The following CNTNAP5 variants were observed in gnomAD, a reference collection of about 807,000 sequenced individuals.
CNTNAP5 encodes contactin associated protein family member 5.
Under a neutral mutation model 150.2 loss-of-function variants are expected in CNTNAP5, and 72 were observed. The ratio of observed to expected loss-of-function variants is 0.48; its 90% CI spans 0.40 to 0.58. CNTNAP5 has a LOEUF of 0.58. Ranked by LOEUF, CNTNAP5 falls within the 20% of genes least tolerant of loss-of-function variation. The probability of loss-of-function intolerance (pLI) is 0.00; values close to 1 mark genes in which losing one functional copy is unlikely to be tolerated. For missense variants in CNTNAP5, 1,636 were observed against 1,626.2 expected, an observed-to-expected ratio of 1.01 and a Z score of -0.10; for synonymous variants, 672 against 619.8, an observed-to-expected ratio of 1.08 and a Z score of -1.25.
intron 19 of CNTNAP5, among the ~76,000 whole-genome samples, chr2:124,859,993 G>A (rs958782976): frequency 3.3e-5 from 5 of 151,888 alleles, no homozygotes; most frequent in Non-Finnish European, 7.4e-5. Context: ...CACCAACATG[G>A]CACGTGTATA....
intron 5 of CNTNAP5, among the ~76,000 whole-genome samples, chr2:124,442,849 T>A (rs1692708378): frequency 6.6e-6 from 1 of 152,132 alleles, no homozygotes; most frequent in Non-Finnish European, 1.5e-5. Flanking sequence ...ATAAAAAGAT[T>A]TTCAACCTTA....
intron 16 of CNTNAP5, 73 bp downstream of exon 16, chr2:124,764,220 C>A: frequency 8.7e-7 from 1 of 1,142,992 alleles, no homozygotes; most frequent in Non-Finnish European, 1.3e-6. Context: ...TGCCACCAGT[C>A]ACTAGTGGGC....
chr2:124,567,650 C>T lies in CNTNAP5; in HGVS notation c.1756+4327C>T, dbSNP rs1223318872. On this transcript the variant is annotated intron_variant, in intron 11 of 23. Transcript: ENST00000682447. The stretch of plus-strand genomic sequence containing the variant: ...ACCAATGTTCAATGCCTTCCGACTC[C>T]CAGAGACAGATACCATGGTTATTAG... Among the ~76,000 whole-genome samples, 3 of 152,102 alleles carry T rather than the reference C, an allele frequency of 2.0e-5. No homozygotes were observed. In the East Asian group the frequency reaches 5.8e-4, roughly 29 times the overall value.
chr2:124,187,196 A>G (rs1020076010), intron 1 of CNTNAP5, among the ~76,000 whole-genome samples: 1 of 152,234 alleles, frequency 6.6e-6, no homozygotes, highest in African/African-American at 2.4e-5. Flanking sequence ...AGAGATGGAT[A>G]TGCATTACTA....
intron 8 of CNTNAP5, among the ~76,000 whole-genome samples, chr2:124,505,284 T>G (rs1694377050): frequency 6.6e-6 from 1 of 152,128 alleles, no homozygotes; most frequent in Admixed American, 6.5e-5. Context: ...TCAGAAGTCA[T>G]GGCAATCACT....
intron 13 of CNTNAP5, among the ~76,000 whole-genome samples, chr2:124,683,764 G>A (rs1271321200): frequency 1.3e-5 from 2 of 152,076 alleles, no homozygotes; most frequent in Non-Finnish European, 2.9e-5. Context: ...AGTTATATAT[G>A]TGCTGCACTT....
chr2:124,195,227 T>A (rs916049696), intron 1 of CNTNAP5, among the ~76,000 whole-genome samples: 2 of 152,072 alleles, frequency 1.3e-5, no homozygotes, highest in Non-Finnish European at 2.9e-5. Context: ...GAGAGCCAGG[T>A]GGCAGGGAGA....
intron 13 of CNTNAP5, among the ~76,000 whole-genome samples, chr2:124,732,687 G>A (rs1680296863): frequency 6.6e-6 from 1 of 152,078 alleles, no homozygotes; most frequent in African/African-American, 2.4e-5. Context: ...AGACCAAAAT[G>A]CATACCAAAT....
chr2:124,350,585 C>G (rs181009838), intron 3 of CNTNAP5, among the ~76,000 whole-genome samples: 3 of 151,412 alleles, frequency 2.0e-5, no homozygotes, highest in Non-Finnish European at 4.4e-5. Context: ...AATCTACCCC[C>G]GCAAAAGCTT....
chr2:124,471,259 G>A (rs891224024), intron 6 of CNTNAP5, among the ~76,000 whole-genome samples: 1 of 152,062 alleles, frequency 6.6e-6, no homozygotes, highest in Non-Finnish European at 1.5e-5. Context: ...GGGGTTTGTA[G>A]TTCTCCTTGA....
chr2:124,418,961 C>T (rs538410038), intron 4 of CNTNAP5, among the ~76,000 whole-genome samples: 8 of 149,356 alleles, frequency 5.4e-5, no homozygotes, highest in South Asian at 2.2e-4. Context: ...GGTGAAACCC[C>T]GTCTCTACTA....
chr2:124,420,411 T>A (rs900236849), intron 4 of CNTNAP5, among the ~76,000 whole-genome samples: 1 of 152,154 alleles, frequency 6.6e-6, no homozygotes, highest in Non-Finnish European at 1.5e-5. Flanking sequence ...GTTCACAGAA[T>A]GGCTTCTCTC....
intron 13 of CNTNAP5, among the ~76,000 whole-genome samples, chr2:124,746,555 A>C (rs1008144899): frequency 2.6e-5 from 4 of 152,128 alleles, no homozygotes; most frequent in Non-Finnish European, 5.9e-5. Flanking sequence ...TCTTTTTAAA[A>C]AACAAAATCA....
chr2:124,576,138 A>ATATATCTATATCTATATCTATATC (rs60325451), intron 11 of CNTNAP5, among the ~76,000 whole-genome samples: 3 of 150,928 alleles, frequency 2.0e-5, no homozygotes, highest in African/African-American at 7.3e-5. Flanking sequence ...GGATGGCTGT[A>ATATATCTATATCTATATCTATATC]TATATCTATA....
At chr2:124,488,483 C>A (rs1693943800) in intron 7 of CNTNAP5, among the ~76,000 whole-genome samples, 1 of 152,192 alleles carries the variant, frequency 6.6e-6, no homozygotes, top group South Asian at 2.1e-4. Flanking sequence ...AGTGGCCTTT[C>A]TAATGCCAAA....
chr2:124,726,743 A>C (rs926946699), intron 13 of CNTNAP5, among the ~76,000 whole-genome samples: 17 of 152,056 alleles, frequency 1.1e-4, no homozygotes, highest in African/African-American at 4.1e-4. Flanking sequence ...CCCTTATCAG[A>C]TGTATAGTTT....
chr2:124,589,063 A>G (rs904809570), intron 11 of CNTNAP5, among the ~76,000 whole-genome samples: 5 of 152,012 alleles, frequency 3.3e-5, no homozygotes, highest in African/African-American at 7.2e-5. Context: ...CATTTCTCCT[A>G]TTTAAAGTGT....
intron 8 of CNTNAP5, among the ~76,000 whole-genome samples, chr2:124,515,887 G>A (rs1206451181): frequency 6.6e-6 from 1 of 152,218 alleles, no homozygotes; most frequent in African/African-American, 2.4e-5. Flanking sequence ...ACTAAGCAGT[G>A]TGATTTTCAT....
chr2:124,671,318 CAAAA>C (rs996753572), intron 13 of CNTNAP5, among the ~76,000 whole-genome samples: 17 of 152,162 alleles, frequency 1.1e-4, no homozygotes, highest in African/African-American at 3.6e-4. Flanking sequence ...TTTTTGTTTT[CAAAA>C]AACAAAGGCA....
Sources: gnomAD v4.1 joint callset for allele counts (sites outside exome capture counted in the v4.1 genomes callset) on GRCh38, gnomAD v4.1.1 for gene constraint, MANE v1.5 for transcripts, NCBI Gene and HGNC (gene_info 2026-07-23, HGNC 2026-07-21) for gene names.